SUPT3H: variants seen among roughly 807,000 people sequenced by gnomAD.
SUPT3H encodes transcription initiation protein SPT3 homolog.
Under a neutral mutation model 44.3 loss-of-function variants are expected in SUPT3H, and 44 were observed. The ratio of observed to expected loss-of-function variants is 0.99; its 90% CI spans 0.78 to 1.28. The LOEUF is 1.28. Ranked by LOEUF, SUPT3H falls within the 50% of genes most tolerant of loss-of-function variation. The pLI is 0.00. For missense variants in SUPT3H, 380 were observed against 387.1 expected, an observed-to-expected ratio of 0.98 and a Z score of 0.15; for synonymous variants, 124 against 125.6, an observed-to-expected ratio of 0.99 and a Z score of 0.09.
intron 10 of SUPT3H, among the ~76,000 whole-genome samples, chr6:44,844,467 C>A (rs1234096292): frequency 2.6e-5 from 4 of 152,090 alleles, no homozygotes; most frequent in Non-Finnish European, 5.9e-5. Flanking sequence ...AACTTTATTC[C>A]TAATTGCTCA....
At chr6:45,282,541 A>C (rs1158631606) in intron 2 of SUPT3H, among the ~76,000 whole-genome samples, 1 of 152,232 alleles carries the variant, frequency 6.6e-6, no homozygotes, top group Non-Finnish European at 1.5e-5. Flanking sequence ...CGAAAAAAAG[A>C]ATAAAAAGAA....
intron 3 of SUPT3H, among the ~76,000 whole-genome samples, chr6:45,052,651 C>T (rs945879309): frequency 2.6e-5 from 4 of 152,040 alleles, no homozygotes; most frequent in African/African-American, 7.2e-5. Flanking sequence ...TTAGAAAATG[C>T]CCCATTATTA....
intron 2 of SUPT3H, among the ~76,000 whole-genome samples, chr6:45,344,221 G>A (rs1790401657): frequency 6.6e-6 from 1 of 152,170 alleles, no homozygotes; most frequent in South Asian, 2.1e-4. Flanking sequence ...TAGAAGTTTA[G>A]CTCCTCTGCA....
intron 2 of SUPT3H, among the ~76,000 whole-genome samples, chr6:45,146,709 T>C (rs1250642730): frequency 6.6e-6 from 1 of 152,164 alleles, no homozygotes; most frequent in Non-Finnish European, 1.5e-5. Flanking sequence ...GTTGGCCTTA[T>C]AAAGCATCAA....
At chr6:45,183,991 T>A (rs1032964446) in intron 2 of SUPT3H, among the ~76,000 whole-genome samples, 2 of 152,188 alleles carry the variant, frequency 1.3e-5, no homozygotes, top group Admixed American at 6.5e-5. Context: ...TGAAACTATT[T>A]TGTATGATAC....
At chr6:44,983,384 T>C (rs1779367112) in intron 6 of SUPT3H, among the ~76,000 whole-genome samples, 1 of 152,162 alleles carries the variant, frequency 6.6e-6, no homozygotes, top group South Asian at 2.1e-4. Context: ...AAAGTGAAAG[T>C]TCATTTTCTA....
intron 2 of SUPT3H, among the ~76,000 whole-genome samples, chr6:45,188,668 A>C (rs2153617320): frequency 6.6e-6 from 1 of 152,284 alleles, no homozygotes; most frequent in African/African-American, 2.4e-5. Flanking sequence ...CTACAAACTA[A>C]AGATATTTAT....
At chr6:44,936,909 C>T (rs903531428) in intron 9 of SUPT3H, among the ~76,000 whole-genome samples, 2 of 152,034 alleles carry the variant, frequency 1.3e-5, no homozygotes, top group African/African-American at 4.8e-5. Context: ...TCAAGTGATC[C>T]ACCTGCCTCG....
At chr6:44,838,305 A>T (rs1770298500) in intron 10 of SUPT3H, among the ~76,000 whole-genome samples, 1 of 152,212 alleles carries the variant, frequency 6.6e-6, no homozygotes, top group Non-Finnish European at 1.5e-5. Flanking sequence ...CAGCAGGATC[A>T]CAGATGTGGT....
rs1047569796 is a variant in SUPT3H at position 45,272,051 on chromosome 6, T to C, written c.101+93150A>G. The stretch of plus-strand genomic sequence containing the variant: ...GTATTTACCCAATGATGTACTCCCA[T>C]TGTATCTAGGAAGTAACAAACTTGC... On this transcript the variant is annotated intron_variant, in intron 2 of 10. Transcript: ENST00000371459. 4.6e-5 allele frequency among the ~76,000 whole-genome samples: 7 copies of C among 152,190 alleles called. No individual in the cohort carries two copies. The East Asian group carries it at 5.8e-4, about 13-fold the overall frequency.
chr6:45,267,214 C>T (rs115104079), intron 2 of SUPT3H, among the ~76,000 whole-genome samples: 2,664 of 152,250 alleles, frequency 0.017, 50 homozygotes, highest in South Asian at 0.085. Context: ...GACCATGCCA[C>T]ACATATCTCC....
chr6:44,890,417 T>A (rs1310801128), intron 10 of SUPT3H, among the ~76,000 whole-genome samples: 3 of 151,972 alleles, frequency 2.0e-5, no homozygotes, highest in African/African-American at 7.3e-5. Context: ...TACCATGGAA[T>A]ACTGTGCAGC....
At chr6:45,020,919 C>A (rs1785041172) in intron 3 of SUPT3H, among the ~76,000 whole-genome samples, 2 of 151,884 alleles carry the variant, frequency 1.3e-5, no homozygotes. Context: ...TGCATTAATG[C>A]ACCTGAAAAT....
At chr6:45,189,137 A>T (rs972112578) in intron 2 of SUPT3H, among the ~76,000 whole-genome samples, 1 of 152,178 alleles carries the variant, frequency 6.6e-6, no homozygotes, top group Non-Finnish European at 1.5e-5. Flanking sequence ...TAAAAAAAAT[A>T]AAATAAAATG....
chr6:44,964,310 T>A (rs1407875550), intron 6 of SUPT3H, among the ~76,000 whole-genome samples: 1 of 151,864 alleles, frequency 6.6e-6, no homozygotes, highest in Non-Finnish European at 1.5e-5. Context: ...TCTGCTGCTC[T>A]CCAGCTTGGT....
At chr6:45,142,424 G>T (rs556716419) in intron 2 of SUPT3H, among the ~76,000 whole-genome samples, 1 of 152,048 alleles carries the variant, frequency 6.6e-6, no homozygotes, top group African/African-American at 2.4e-5. Context: ...AATATAAAGG[G>T]CCTAAATGCT....
intron 2 of SUPT3H, among the ~76,000 whole-genome samples, chr6:45,242,215 C>A (rs1484077483): frequency 6.6e-6 from 1 of 152,172 alleles, no homozygotes; most frequent in Non-Finnish European, 1.5e-5. Flanking sequence ...CTATGCTTAT[C>A]CAGCCTTTCG....
chr6:45,158,298 A>ATATATATATATTTTT, intron 2 of SUPT3H, among the ~76,000 whole-genome samples: 8 of 99,694 alleles, frequency 8.0e-5, no homozygotes, highest in African/African-American at 3.0e-4. Flanking sequence ...ATATATATAT[A>ATATATATATATTTTT]TTTTTTTTTT....
chr6:45,144,685 G>T (rs1805753235), intron 2 of SUPT3H, among the ~76,000 whole-genome samples: 1 of 151,896 alleles, frequency 6.6e-6, no homozygotes. Flanking sequence ...GAAATAAGGG[G>T]CATCTGAATT....
Sources: allele counts gnomAD v4.1 joint callset (sites outside exome capture counted in the v4.1 genomes callset), GRCh38; gene constraint gnomAD v4.1.1; transcripts MANE v1.5; gene names NCBI Gene and HGNC (gene_info 2026-07-23, HGNC 2026-07-21).